Variants in CREB5 observed in about 807,000 individuals in gnomAD.
The protein encoded by CREB5 is cAMP responsive element binding protein 5.
A neutral mutation model predicts 57.1 loss-of-function variants in CREB5; 19 were observed. That is an observed-to-expected ratio of 0.33 (90% CI 0.23 to 0.49). The LOEUF (loss-of-function observed/expected upper bound fraction) is 0.49, where lower values mean the gene tolerates loss of function less well. CREB5 is among the 20% of genes least tolerant of loss of function. The probability of loss-of-function intolerance (pLI) is 0.99; values close to 1 mark genes in which losing one functional copy is unlikely to be tolerated. For missense variants in CREB5, 579 were observed against 671.6 expected (o/e 0.86, Z 1.52); for synonymous variants, 238 against 238.3 (o/e 1.00, Z 0.01).
chr7:28,338,423 C>T (rs929708769), intron 1 of CREB5, among the ~76,000 whole-genome samples: 18 of 152,190 alleles, frequency 1.2e-4, no homozygotes, highest in Non-Finnish European at 1.3e-4. Context: ...TTTCCTTTAG[C>T]GTTTTAAATA....
At chr7:28,411,185 A>G (rs541086961), upstream of CREB5, among the ~76,000 whole-genome samples, 1 of 152,328 alleles carries the variant, frequency 6.6e-6, no homozygotes, top group South Asian at 2.1e-4. Context: ...AAGCGTTATG[A>G]TAATACTCTG....
chr7:28,450,421 A>T (rs1338790259), intron 1 of CREB5, among the ~76,000 whole-genome samples: 5 of 152,218 alleles, frequency 3.3e-5, no homozygotes, highest in Admixed American at 6.5e-5. Flanking sequence ...TGCCATTTGG[A>T]TGCTTGACTC....
At chr7:28,807,219 C>T (rs990350384) in intron 8 of CREB5, among the ~76,000 whole-genome samples, 6 of 152,120 alleles carry the variant, frequency 3.9e-5, no homozygotes, top group Admixed American at 6.5e-5. Flanking sequence ...GAGGCTGAGG[C>T]GGGTGGATCA....
chr7:28,459,970 G>T, intron 1 of CREB5, among the ~76,000 whole-genome samples: 1 of 152,288 alleles, frequency 6.6e-6, no homozygotes, highest in South Asian at 2.1e-4. Context: ...ACTTTGAGGC[G>T]AATGATTTTC....
intron 1 of CREB5, among the ~76,000 whole-genome samples, chr7:28,460,137 T>C (rs1440934327): frequency 1.3e-5 from 2 of 152,168 alleles, no homozygotes; most frequent in East Asian, 3.9e-4. Context: ...CAGAATTGCT[T>C]TGAGGAAGAA....
chr7:28,788,764 A>G (rs2128789440), intron 7 of CREB5, among the ~76,000 whole-genome samples: 1 of 152,006 alleles, frequency 6.6e-6, no homozygotes, highest in South Asian at 2.1e-4. Context: ...GGTAGAAGGA[A>G]TCTTTGGGAG....
intron 5 of CREB5, among the ~76,000 whole-genome samples, chr7:28,619,557 C>G (rs1797718897): frequency 6.6e-6 from 1 of 152,216 alleles, no homozygotes; most frequent in African/African-American, 2.4e-5. Flanking sequence ...CCTTCTTGAG[C>G]TAGGCATGGT....
chr7:28,477,084 T>C (rs1791104151), intron 1 of CREB5, among the ~76,000 whole-genome samples: 1 of 152,204 alleles, frequency 6.6e-6, no homozygotes, highest in African/African-American at 2.4e-5. Context: ...AATGAATGAA[T>C]GAGACCTGTG....
At chr7:28,657,622 C>A (rs567399016) in intron 5 of CREB5, among the ~76,000 whole-genome samples, 1 of 144,804 alleles carries the variant, frequency 6.9e-6, no homozygotes, top group South Asian at 2.1e-4. Flanking sequence ...GCAGCGGAGG[C>A]AGGAGAATCA....
intron 7 of CREB5, among the ~76,000 whole-genome samples, chr7:28,763,783 C>T (rs953127502): frequency 1.5e-4 from 22 of 144,646 alleles, no homozygotes; most frequent in South Asian, 1.4e-3. Flanking sequence ...ATGATGTAAT[C>T]GCTGTGGGGA....
chr7:28,613,527 A>C (rs1194992912), intron 5 of CREB5, among the ~76,000 whole-genome samples: 1 of 152,264 alleles, frequency 6.6e-6, no homozygotes, highest in Non-Finnish European at 1.5e-5. Flanking sequence ...TGTGAATTGA[A>C]TGAAGAATGA....
At chr7:28,753,867 T>C (rs1248139946) in intron 7 of CREB5, among the ~76,000 whole-genome samples, 1 of 152,024 alleles carries the variant, frequency 6.6e-6, no homozygotes, top group African/African-American at 2.4e-5. Context: ...GTAAGGACTA[T>C]GATGCAAGAA....
intron 5 of CREB5, among the ~76,000 whole-genome samples, chr7:28,645,867 C>A (rs2128703795): frequency 1.3e-5 from 2 of 152,288 alleles, no homozygotes; most frequent in Admixed American, 1.3e-4. Context: ...AGATCACTCT[C>A]ACCAATCCAG....
At chr7:28,426,404 A>G (rs1788512171) in intron 1 of CREB5, among the ~76,000 whole-genome samples, 1 of 152,120 alleles carries the variant, frequency 6.6e-6, no homozygotes, top group African/African-American at 2.4e-5. Flanking sequence ...TTCCCTTTTC[A>G]AGAACCTTCA....
chr7:28,417,919 G>T (rs1331854278), intron 1 of CREB5, among the ~76,000 whole-genome samples: 1 of 152,192 alleles, frequency 6.6e-6, no homozygotes, highest in African/African-American at 2.4e-5. Flanking sequence ...TCAAACGTGG[G>T]TGTTTTAAAT....
At chr7:28,581,749 A>G (rs958730855) in intron 5 of CREB5, among the ~76,000 whole-genome samples, 23 of 152,210 alleles carry the variant, frequency 1.5e-4, no homozygotes, top group African/African-American at 5.5e-4. Flanking sequence ...CAATCTGTCA[A>G]GCATCGCAAA....
chr7:28,459,136 A>T (rs1790240883), intron 1 of CREB5, among the ~76,000 whole-genome samples: 1 of 152,130 alleles, frequency 6.6e-6, no homozygotes, highest in African/African-American at 2.4e-5. Context: ...AGTGGGCTTT[A>T]TTTGAGCCTT....
chr7:28,737,789 A>G (rs1485063837), intron 7 of CREB5, among the ~76,000 whole-genome samples: 1 of 151,906 alleles, frequency 6.6e-6, no homozygotes, highest in Non-Finnish European at 1.5e-5. Flanking sequence ...TGATTAATGG[A>G]CTTAGTTACC....
chr7:28,351,654 T>C (rs1247007776), intron 1 of CREB5, among the ~76,000 whole-genome samples: 1 of 152,192 alleles, frequency 6.6e-6, no homozygotes, highest in Admixed American at 6.5e-5. Context: ...TAATACAGTG[T>C]GTACATGGCA....
Sources: gnomAD v4.1 joint callset for allele counts (sites outside exome capture counted in the v4.1 genomes callset) on GRCh38, gnomAD v4.1.1 for gene constraint, MANE v1.5 for transcripts, NCBI Gene and HGNC (gene_info 2026-07-23, HGNC 2026-07-21) for gene names.